The following TBCK variants were observed in gnomAD, a reference collection of about 807,000 sequenced individuals.
TBCK encodes TBC domain-containing protein kinase-like protein.
In TBCK, 99 loss-of-function variants were observed where a neutral mutation model predicts 113.4. The observed-to-expected ratio is 0.87, with a 90% CI of 0.74 to 1.03. The LOEUF is 1.03. Ranked by LOEUF, TBCK falls within the 50% of genes least tolerant of loss-of-function variation. The pLI is 0.00. For missense variants in TBCK, 1,045 were observed against 1,061.3 expected, an observed-to-expected ratio of 0.98 and a Z score of 0.21; for synonymous variants, 369 against 370.8, an observed-to-expected ratio of 1.00 and a Z score of 0.05.
chr4:106,212,564 T>C (rs1169634718), intron 20 of TBCK, among the ~76,000 whole-genome samples, 186 bp downstream of exon 20: 1 of 152,158 alleles, frequency 6.6e-6, no homozygotes, highest in South Asian at 2.1e-4. Flanking sequence ...ATGACTTATT[T>C]TCATTACTTA....
chr4:106,129,443 A>C (rs750916534), intron 23 of TBCK, among the ~76,000 whole-genome samples: 2 of 152,208 alleles, frequency 1.3e-5, no homozygotes, highest in Non-Finnish European at 2.9e-5. Context: ...TTACAGCTAG[A>C]TGAAGCACTT....
chr4:106,043,533 A>G lies in TBCK; in HGVS notation c.*3037T>C, dbSNP rs1218287594. 6.6e-6 allele frequency: 1 copy of G among 152,202 alleles called. No homozygotes were observed. Among genetic ancestry groups the G allele is most frequent in the Admixed American group, 6.5e-5 (1 of 15,276 alleles). The allele number at this position is 152,202 out of a possible 1,614,324, so 9.4% of individuals were successfully genotyped here. Reference sequence around the variant, plus strand: ...GGTATAAATTATAGCTCCTGATCTTAAGCAGCTCATATTTTAATAGGGGAC... The same window carrying G: ...GGTATAAATTATAGCTCCTGATCTTGAGCAGCTCATATTTTAATAGGGGAC... On this transcript the variant is annotated 3_prime_UTR_variant, in exon 26 of 26. Coordinates refer to ENST00000394708, the MANE Select transcript of TBCK (RefSeq NM_001163435.3).
At chr4:106,103,569 T>C (rs1407808539) in intron 24 of TBCK, among the ~76,000 whole-genome samples, 1 of 152,216 alleles carries the variant, frequency 6.6e-6, no homozygotes, top group Non-Finnish European at 1.5e-5. Context: ...TTGCTTAACC[T>C]CTTTAAACTT....
intron 25 of TBCK, among the ~76,000 whole-genome samples, chr4:106,092,533 C>T (rs1039372248): frequency 3.9e-5 from 6 of 152,210 alleles, no homozygotes; most frequent in Admixed American, 6.5e-5. Flanking sequence ...CTGCAGGTCC[C>T]GAGCCCTGCC....
chr4:106,212,874 C>T (rs929474291), intron 19 of TBCK, 39 bp from the exon 20 acceptor site: 3 of 1,267,150 alleles, frequency 2.4e-6, no homozygotes, highest in African/African-American at 1.5e-5. Context: ...CATTTTTACA[C>T]AGTACTCCAA....
chr4:106,147,742 G>A (rs940423060), intron 23 of TBCK, among the ~76,000 whole-genome samples: 3 of 152,124 alleles, frequency 2.0e-5, no homozygotes, highest in African/African-American at 7.2e-5. Context: ...TGTAGAGCAT[G>A]TGTGTTTAAA....
intron 14 of TBCK, among the ~76,000 whole-genome samples, chr4:106,236,110 T>C (rs1332812031): frequency 6.6e-6 from 1 of 152,014 alleles, no homozygotes. Context: ...TGTTTCAATA[T>C]TGATGTTTTT....
chr4:106,222,807 A>C (rs1757848202), intron 19 of TBCK, among the ~76,000 whole-genome samples: 1 of 152,150 alleles, frequency 6.6e-6, no homozygotes, highest in African/African-American at 2.4e-5. Context: ...TTTCTGCTGT[A>C]AAATTTGGCC....
At chr4:106,189,686 GCATTC>G (rs1440805789) in intron 22 of TBCK, among the ~76,000 whole-genome samples, 5 of 151,742 alleles carry the variant, frequency 3.3e-5, no homozygotes, top group African/African-American at 1.2e-4. Flanking sequence ...ATCAATTATA[GCATTC>G]GTATTTTGGT....
chr4:106,220,004 A>G (rs1284247358), intron 19 of TBCK, among the ~76,000 whole-genome samples: 1 of 152,214 alleles, frequency 6.6e-6, no homozygotes, highest in Non-Finnish European at 1.5e-5. Flanking sequence ...AGCTTTTAAT[A>G]TTTGAACAAA....
chr4:106,130,833 G>A (rs369173876), intron 23 of TBCK, among the ~76,000 whole-genome samples: 2 of 152,078 alleles, frequency 1.3e-5, no homozygotes, highest in East Asian at 1.9e-4. Context: ...ATTGTTTTAA[G>A]ATAATTCTGA....
In TBCK at chr4:106,120,237, C is replaced by T. The variant is rs148670571; in HGVS notation, c.2236-3859G>A. On this transcript the variant is annotated intron_variant, in intron 23 of 25. Coordinates refer to ENST00000394708, the MANE Select transcript of TBCK (RefSeq NM_001163435.3). ...CCTGGAAAATCGGGTCACTCCCACC[C>T]GAATATTGCGCTTTTCGGACCCCCT... is the stretch of plus-strand genomic sequence containing the variant. Among the ~76,000 whole-genome samples, 588 of 152,224 alleles carry T rather than the reference C, an allele frequency of 3.9e-3. 6 individuals are homozygous for T. The highest frequency in any genetic ancestry group is 0.013 in the African/African-American group (539 of 41,546).
intron 3 of TBCK, among the ~76,000 whole-genome samples, chr4:106,294,053 C>T (rs1018496383): frequency 2.0e-5 from 3 of 152,168 alleles, no homozygotes; most frequent in African/African-American, 7.2e-5. Context: ...TGCATTTAAA[C>T]TGTATCATTA....
intron 23 of TBCK, among the ~76,000 whole-genome samples, chr4:106,143,043 A>G (rs1747317642): frequency 6.6e-6 from 1 of 152,198 alleles, no homozygotes; most frequent in Non-Finnish European, 1.5e-5. Flanking sequence ...CTATATCATG[A>G]CAATGTTATT....
In TBCK at chr4:106,235,347, G is replaced by GT. The variant is rs746860249; in HGVS notation, c.1370dup (p.Asn457LysfsTer10). On this transcript the variant is annotated frameshift_variant, in exon 15 of 26. Coordinates refer to ENST00000394708, the MANE Select transcript of TBCK (RefSeq NM_001163435.3). LOFTEE classifies it high-confidence loss of function. ...CAACTCTTGCTTCTTTCCAGATTTGGTTTTTTTTATATGGATAAGCCTATG... is the reference window on the plus strand; with the variant it reads ...CAACTCTTGCTTCTTTCCAGATTTGGTTTTTTTTTATATGGATAAGCCTATG... 30 of 1,606,174 alleles carry GT rather than the reference G, an allele frequency of 1.9e-5. No homozygotes were observed. Among genetic ancestry groups the GT allele is most frequent in the East Asian group, 9.0e-5 (4 of 44,506 alleles).
In TBCK at chr4:106,187,425, T is replaced by A. The variant is rs192362548; in HGVS notation, c.2059+6184A>T. Reference sequence around the variant, plus strand: ...ATCTATGATTTTTTTTTTTCCTTTTTTTCTTTTTTGAGATGGAGTCTTGCT... The same window carrying A: ...ATCTATGATTTTTTTTTTTCCTTTTATTCTTTTTTGAGATGGAGTCTTGCT... On this transcript the variant is annotated intron_variant, in intron 22 of 25. Transcript: ENST00000394708. 3.1e-3 allele frequency among the ~76,000 whole-genome samples: 467 copies of A among 152,172 alleles called. 2 individuals carry two copies. Among genetic ancestry groups the A allele is most frequent in the African/African-American group, 0.01 (435 of 41,522 alleles).
At chr4:106,316,578 G>A (rs1261241402), upstream of TBCK, 4 of 1,551,614 alleles carry the variant, frequency 2.6e-6, no homozygotes, top group Non-Finnish European at 2.6e-6. Flanking sequence ...CTCGGAACCC[G>A]TGGTCCTCCG....
At chr4:106,263,802 T>G (rs1762726175) in intron 3 of TBCK, among the ~76,000 whole-genome samples, 1 of 152,006 alleles carries the variant, frequency 6.6e-6, no homozygotes, top group African/African-American at 2.4e-5. Flanking sequence ...GATCCTAGTT[T>G]GACTTTCCAG....
intron 25 of TBCK, among the ~76,000 whole-genome samples, chr4:106,086,732 T>A (rs1351370699): frequency 6.6e-6 from 1 of 152,072 alleles, no homozygotes; most frequent in Non-Finnish European, 1.5e-5. Context: ...AACTTATCCA[T>A]CACGATCAAG....
Sources: allele counts gnomAD v4.1 joint callset (sites outside exome capture counted in the v4.1 genomes callset), GRCh38; gene constraint gnomAD v4.1.1; transcripts MANE v1.5; gene names NCBI Gene and HGNC (gene_info 2026-07-23, HGNC 2026-07-21).